Variants in LOC400499 observed in about 807,000 individuals in gnomAD.
At chr16:11,409,583 G>A in the LOC400499 span, among the ~76,000 whole-genome samples, 2 of 152,306 alleles carry the variant, frequency 1.3e-5, no homozygotes, top group East Asian at 1.9e-4. Context: ...TGGCAACTAC[G>A]AATGCTGCGT....
chr16:11,382,687 G>A, the LOC400499 span, among the ~76,000 whole-genome samples: 2 of 152,192 alleles, frequency 1.3e-5, no homozygotes, highest in Non-Finnish European at 2.9e-5. Flanking sequence ...GCTCCCGCCT[G>A]TCATTTCAGC....
At chr16:11,427,916 G>C in the LOC400499 span, among the ~76,000 whole-genome samples, 1 of 152,124 alleles carries the variant, frequency 6.6e-6, no homozygotes, top group Non-Finnish European at 1.5e-5. Context: ...TCTGAAAAGC[G>C]TCAAAAACAG....
chr16:11,372,790 G>C, the LOC400499 span: 57 of 883,928 alleles, frequency 6.4e-5, no homozygotes, highest in South Asian at 1.0e-4. Flanking sequence ...TGAGGAGAGG[G>C]GCCCCTGCTG....
At chr16:11,515,116 G>A in the LOC400499 span, among the ~76,000 whole-genome samples, 3 of 152,004 alleles carry the variant, frequency 2.0e-5, no homozygotes, top group African/African-American at 7.2e-5. Flanking sequence ...GATCAGCCTG[G>A]GCAACATAGC....
chr16:11,504,716 A>T, the LOC400499 span, among the ~76,000 whole-genome samples: 1,945 of 152,226 alleles, frequency 0.013, 46 homozygotes, highest in African/African-American at 0.045. Flanking sequence ...TGCGGTCAGG[A>T]GTTCAAGACC....
chr16:11,496,263 C>T, the LOC400499 span, among the ~76,000 whole-genome samples: 2 of 152,018 alleles, frequency 1.3e-5, no homozygotes, highest in African/African-American at 2.4e-5. Context: ...GATGGGGTTT[C>T]ACCATATTGG....
chr16:11,493,182 G>C, the LOC400499 span, among the ~76,000 whole-genome samples: 1 of 152,170 alleles, frequency 6.6e-6, no homozygotes, highest in African/African-American at 2.4e-5. Context: ...GGAGGTAGTG[G>C]TCCAGGGATT....
chr16:11,445,558 A>C, the LOC400499 span, among the ~76,000 whole-genome samples: 3 of 152,166 alleles, frequency 2.0e-5, no homozygotes, highest in Non-Finnish European at 4.4e-5. Context: ...GGCAAAGCTG[A>C]AGGAGAGGGT....
At chr16:11,443,022 T>C in the LOC400499 span, among the ~76,000 whole-genome samples, 3 of 152,080 alleles carry the variant, frequency 2.0e-5, no homozygotes, top group Non-Finnish European at 4.4e-5. Context: ...GGGGCTGTTG[T>C]GTATCTTGCA....
chr16:11,381,207 T>C, the LOC400499 span: 1 of 152,212 alleles, frequency 6.6e-6, no homozygotes, highest in Non-Finnish European at 1.5e-5. Flanking sequence ...GCAGCTGGTA[T>C]TGCAAACATT....
At chr16:11,473,703 C>T in the LOC400499 span, among the ~76,000 whole-genome samples, 14 of 150,390 alleles carry the variant, frequency 9.3e-5, no homozygotes, top group Non-Finnish European at 1.9e-4. Flanking sequence ...TGCAGTGAGC[C>T]GAGACCGCAC....
At chr16:11,420,324 C>T in the LOC400499 span, among the ~76,000 whole-genome samples, 2 of 151,620 alleles carry the variant, frequency 1.3e-5, no homozygotes, top group African/African-American at 2.4e-5. Flanking sequence ...AATCATCATT[C>T]TCAGCAAACT....
At chr16:11,431,323 C>G in the LOC400499 span, 1 of 398,356 alleles carries the variant, frequency 2.5e-6, no homozygotes, top group Non-Finnish European at 4.4e-6. Context: ...AACAGGATGA[C>G]CTGGGACAAG....
chr16:11,402,844 A>T, the LOC400499 span, among the ~76,000 whole-genome samples: 1 of 151,748 alleles, frequency 6.6e-6, no homozygotes, highest in African/African-American at 2.4e-5. Flanking sequence ...TCAGGAGCTG[A>T]TGGGGGCAGC....
chr16:11,412,021 C>A, the LOC400499 span, among the ~76,000 whole-genome samples: 1 of 152,200 alleles, frequency 6.6e-6, no homozygotes, highest in East Asian at 1.9e-4. Flanking sequence ...CGTCACCATA[C>A]CAGGCTCATT....
the LOC400499 span, among the ~76,000 whole-genome samples, chr16:11,372,964 C>G: frequency 6.6e-6 from 1 of 152,258 alleles, no homozygotes; most frequent in Non-Finnish European, 1.5e-5. Flanking sequence ...GTGCTAGGCC[C>G]AGCCTGCTGA....
At chr16:11,428,750 T>C in the LOC400499 span, among the ~76,000 whole-genome samples, 2 of 152,304 alleles carry the variant, frequency 1.3e-5, no homozygotes, top group South Asian at 4.1e-4. Context: ...CTCAGCCTCA[T>C]TCTACCCAGC....
At chr16:11,464,074 G>A in the LOC400499 span, among the ~76,000 whole-genome samples, 4 of 152,324 alleles carry the variant, frequency 2.6e-5, no homozygotes, top group Non-Finnish European at 4.4e-5. Flanking sequence ...GTACAGATAT[G>A]TGTGTATATA....
the LOC400499 span, among the ~76,000 whole-genome samples, chr16:11,432,007 G>A: frequency 3.9e-5 from 6 of 152,314 alleles, no homozygotes; most frequent in South Asian, 2.1e-4. Context: ...TAAGAAGTCT[G>A]ACCAGCCTGA....
Sources: allele counts gnomAD v4.1 joint callset (sites outside exome capture counted in the v4.1 genomes callset), GRCh38; gene constraint gnomAD v4.1.1; transcripts MANE v1.5.